The following ACACA variants were observed in gnomAD, a reference collection of about 807,000 sequenced individuals.
ACACA encodes acetyl-CoA carboxylase alpha.
In ACACA, 103 loss-of-function variants were observed where a neutral mutation model predicts 296.1. That is an observed-to-expected ratio of 0.35 (90% confidence interval 0.30 to 0.41). ACACA has a LOEUF of 0.41. Ranked by LOEUF, ACACA falls within the 10% of genes least tolerant of loss-of-function variation. The probability of loss-of-function intolerance (pLI) is 1.00; values close to 1 mark genes in which losing one functional copy is unlikely to be tolerated. For synonymous variants in ACACA, 953 were observed against 1,038.6 expected (o/e 0.92, Z 1.58); for missense variants, 1,554 against 2,989.7 (o/e 0.52, Z 11.20).
intron 1 of ACACA, among the ~76,000 whole-genome samples, chr17:37,344,356 G>C (rs945889604): frequency 2.0e-5 from 3 of 151,770 alleles, no homozygotes; most frequent in Non-Finnish European, 4.4e-5. Flanking sequence ...TCAGGAGTTC[G>C]AGACCAGCCT....
At position 37,121,708 on chromosome 17, in the gene ACACA, A is replaced by G. The variant is rs113908034; in HGVS notation, c.6139-218T>C. ...CTATTCTTTTTAAGTCCTGATTATA[A>G]TAACTCTGTAGTCAAAAGGGAAGAA... On this transcript the variant is annotated intron_variant, in intron 49 of 55. Transcript: ENST00000616317. 6.4e-3 allele frequency among the ~76,000 whole-genome samples: 981 copies of G among 152,316 alleles called. 2 individuals carry two copies. Among genetic ancestry groups the G allele is most frequent in the Non-Finnish European group, 9.0e-3 (609 of 68,018 alleles).
At chr17:37,338,194 C>T (rs1446117067) in intron 2 of ACACA, among the ~76,000 whole-genome samples, 1 of 149,696 alleles carries the variant, frequency 6.7e-6, no homozygotes, top group Non-Finnish European at 1.5e-5. Context: ...CACCACTGCA[C>T]TCCAGCCTGG....
At chr17:37,177,894 C>T (rs1262070074) in intron 41 of ACACA, among the ~76,000 whole-genome samples, 10 of 152,180 alleles carry the variant, frequency 6.6e-5, no homozygotes, top group African/African-American at 1.9e-4. Context: ...CATCTTGATA[C>T]CAAATCATCT....
intron 1 of ACACA, among the ~76,000 whole-genome samples, chr17:37,364,078 G>C (rs1158013473): frequency 6.6e-6 from 1 of 151,942 alleles, no homozygotes; most frequent in Non-Finnish European, 1.5e-5. Flanking sequence ...AGCCGAGATC[G>C]TGCCACTGCA....
intron 3 of ACACA, among the ~76,000 whole-genome samples, chr17:37,298,447 C>A (rs778264476): frequency 3.9e-5 from 6 of 151,998 alleles, no homozygotes; most frequent in Non-Finnish European, 5.9e-5. Flanking sequence ...TTCTGGAGGC[C>A]AAAGTGGCAG....
chr17:37,402,962 G>C (rs917556514), intron 1 of ACACA, among the ~76,000 whole-genome samples: 1 of 152,178 alleles, frequency 6.6e-6, no homozygotes, highest in African/African-American at 2.4e-5. Context: ...GTGAGCCACT[G>C]CACCCAGCCA....
intron 1 of ACACA, among the ~76,000 whole-genome samples, chr17:37,398,504 C>T (rs1264256992): frequency 7.1e-6 from 1 of 140,440 alleles, no homozygotes; most frequent in Non-Finnish European, 1.5e-5. Flanking sequence ...CAGGCTGTCT[C>T]GAACTCCTGA....
intron 3 of ACACA, among the ~76,000 whole-genome samples, chr17:37,304,520 C>A (rs574755925): frequency 6.6e-6 from 1 of 152,152 alleles, no homozygotes; most frequent in East Asian, 1.9e-4. Flanking sequence ...AGGGGCCAGG[C>A]GCGGTGGCTC....
chr17:37,374,183 A>G (rs2049909494), intron 1 of ACACA, among the ~76,000 whole-genome samples: 1 of 152,162 alleles, frequency 6.6e-6, no homozygotes, highest in Non-Finnish European at 1.5e-5. Flanking sequence ...ACACAGTGAG[A>G]CTGTGTCTCT....
In ACACA at chr17:37,087,430, C is replaced by A. The variant is rs1189421531; in HGVS notation, c.7038G>T (p.Gln2346His). 1 of 1,613,942 alleles carries A rather than the reference C, an allele frequency of 6.2e-7. No homozygotes were observed. Among genetic ancestry groups the A allele is most frequent in the African/African-American group, 1.3e-5 (1 of 74,870 alleles). The change falls in exon 56 of 56, where the codon CAG (glutamine) becomes CAT (histidine). Residue 2346 changes from glutamine to histidine, a missense_variant. Gln to His is a conservative substitution (Grantham distance 24). This residue lies in a region of ACACA where 553 missense variants were observed against 1,043.6 expected (regional missense o/e 0.53). Coordinates refer to ENST00000616317, the MANE Select transcript of ACACA (RefSeq NM_198834.3). ...YVLKQIRSLV[Q>H]ANPEVAMDSI... Reference sequence around the variant, plus strand: ...AATCCATGGCAACCTCTGGATTGGCCTGGACCAAGCTGGAAAGGAAGATTG... The same window carrying A: ...AATCCATGGCAACCTCTGGATTGGCATGGACCAAGCTGGAAAGGAAGATTG...
chr17:37,244,471 T>A (rs2080589681), intron 21 of ACACA, 117 bp downstream of exon 21: 1 of 1,289,494 alleles, frequency 7.8e-7, no homozygotes, highest in Admixed American at 1.7e-5. Flanking sequence ...GTGAAAGAGT[T>A]CTAGGCCAAA....
chr17:37,293,592 G>T (rs1473928036), intron 3 of ACACA, among the ~76,000 whole-genome samples: 1 of 148,102 alleles, frequency 6.8e-6, no homozygotes, highest in Non-Finnish European at 1.5e-5. Context: ...CCCCAGGCTG[G>T]AGTGTAGTGG....
chr17:37,325,183 G>C (rs2047547278), intron 3 of ACACA, among the ~76,000 whole-genome samples: 1 of 146,748 alleles, frequency 6.8e-6, no homozygotes, highest in Admixed American at 6.8e-5. Flanking sequence ...CCTGGGGACA[G>C]AGCGAGACTC....
intron 1 of ACACA, chr17:37,377,984 C>A (rs771002616): frequency 6.2e-7 from 1 of 1,608,524 alleles, no homozygotes; most frequent in African/African-American, 1.3e-5. Flanking sequence ...TGGGTCCTTT[C>A]TGGAAAATGA....
intron 33 of ACACA, among the ~76,000 whole-genome samples, chr17:37,203,746 AAAAACAAAAC>A (rs199961336): frequency 0.013 from 1,988 of 152,166 alleles, 31 homozygotes; most frequent in African/African-American, 0.044. Flanking sequence ...TCCATCTCAA[AAAAACAAAAC>A]AAAACAAAAC....
Position 37,278,096 on chromosome 17 carries a change from T to C in ACACA, c.611-91A>G. On this transcript the variant is annotated intron_variant, in intron 5 of 55. Coordinates refer to ENST00000616317, the MANE Select transcript of ACACA (RefSeq NM_198834.3). ...AAAACTACGTAAAGGTCAGGGACTA[T>C]CATAAGTAACCACAGGACAAACAGC... The C allele has an allele frequency of 3.2e-6, 3 of 938,604 alleles. No individual in the cohort carries two copies. In the South Asian group the frequency reaches 4.0e-5, roughly 13 times the overall value. The allele number at this position is 938,604 out of a possible 1,614,324, so 58.1% of individuals were successfully genotyped here.
chr17:37,088,894 A>G, intron 55 of ACACA, 44 bp downstream of exon 55: 1 of 1,610,916 alleles, frequency 6.2e-7, no homozygotes, highest in Non-Finnish European at 8.5e-7. Flanking sequence ...ATTCCAAAGA[A>G]ATTAGCCCTC....
At chr17:37,351,101 C>G (rs1344360188) in intron 1 of ACACA, among the ~76,000 whole-genome samples, 1 of 152,140 alleles carries the variant, frequency 6.6e-6, no homozygotes, top group African/African-American at 2.4e-5. Context: ...GATCGCACCG[C>G]TGCACTCCAG....
intron 1 of ACACA, among the ~76,000 whole-genome samples, chr17:37,368,538 G>T (rs940211490): frequency 6.9e-6 from 1 of 144,384 alleles, no homozygotes; most frequent in African/African-American, 2.6e-5. Context: ...CCAAAATTGC[G>T]CCATTGCACT....
Sources: allele counts gnomAD v4.1 joint callset (sites outside exome capture counted in the v4.1 genomes callset), GRCh38; gene constraint gnomAD v4.1.1; regional missense constraint gnomAD v4.1.1; transcripts MANE v1.5; gene names NCBI Gene and HGNC (gene_info 2026-07-23, HGNC 2026-07-21).